Variants in CHMP7 observed in about 807,000 individuals in gnomAD.
CHMP7 encodes the protein charged multivesicular body protein 7.
CHMP7 carries 15 observed loss-of-function variants against 53.7 expected under a neutral mutation model. The observed-to-expected ratio is 0.28, with a 90% CI of 0.19 to 0.43. The LOEUF is 0.43. CHMP7 is among the 20% of genes least tolerant of loss of function. CHMP7 has a pLI of 1.00. For missense variants in CHMP7, 527 were observed against 569.4 expected (o/e 0.93, Z 0.76); for synonymous variants, 261 against 228.0 (o/e 1.14, Z -1.30).
chr8:23,256,309 T>C, intron 4 of CHMP7, 151 bp from the exon 5 acceptor site: 1 of 656,130 alleles, frequency 1.5e-6, no homozygotes, highest in Non-Finnish European at 2.8e-6. Context: ...CTCTGAGGGT[T>C]CAGACCTCCA....
chr8:23,253,465 T>G (rs1485694937), intron 3 of CHMP7, among the ~76,000 whole-genome samples: 6 of 152,154 alleles, frequency 3.9e-5, no homozygotes, highest in Non-Finnish European at 8.8e-5. Flanking sequence ...TGTATTTTTT[T>G]TAGTGGAGAT....
rs950379411 is a variant in CHMP7, at chr8:23,261,974, ATAATT to A, written c.*1376_*1380del. 6.6e-6 allele frequency: 1 copy of A among 152,388 alleles called. No homozygotes were observed. Among genetic ancestry groups the A allele is most frequent in the Non-Finnish European group, 1.5e-5 (1 of 68,034 alleles). The allele number at this position is 152,388 out of a possible 1,614,324, so 9.4% of individuals were successfully genotyped here. A position where few individuals can be genotyped will look rare whatever the true frequency, so the allele number is the denominator to read the frequency against. ...TATTTTTTTCTTTTTTATCTGGTAA[ATAATT>A]AAAAGAAAAACCGAACACTTGTCCC... On this transcript the variant is annotated 3_prime_UTR_variant, in exon 11 of 11. Coordinates refer to ENST00000397677, the MANE Select transcript of CHMP7 (RefSeq NM_152272.5).
Position 23,258,817 on chromosome 8 carries a change from A to G in CHMP7, c.1046A>G (p.Asp349Gly). Residue 349 changes from aspartate (D) to glycine (G), a missense_variant, in exon 8 of 11, where the codon GAT becomes GGT. Coordinates refer to ENST00000397677, the MANE Select transcript of CHMP7 (RefSeq NM_152272.5). ...VTVEKAESLVDQIQELCDTQD... is the reference protein window; with the variant it reads ...VTVEKAESLVGQIQELCDTQD... ...GTGGAGAAGGCAGAGAGCCTCGTGG[A>G]TCAGATCCAAGAGGTACAGAAAGGG... The G allele has an allele frequency of 1.9e-6, 3 of 1,610,828 alleles. No homozygotes were observed. The highest frequency in any genetic ancestry group is 2.5e-6 in the Non-Finnish European group (3 of 1,177,296).
Position 23,260,189 on chromosome 8 carries a change from A to T in CHMP7, c.1166A>T (p.Gln389Leu). Residue 389 changes from glutamine to leucine, a missense_variant, in exon 10 of 11, where the codon CAG becomes CTG. By Grantham distance (113) the Gln-to-Leu change is moderately radical. Transcript: ENST00000397677. ...ELEKELDILL[Q>L]DTTKEPLDLP... is the part of the protein sequence containing the mutation. ...GAGAAGGAATTGGACATCCTCCTTCAGGATACCACCAAAGAACCTTTGGAT... is the reference window on the plus strand; with the variant it reads ...GAGAAGGAATTGGACATCCTCCTTCTGGATACCACCAAAGAACCTTTGGAT... 1 of 1,614,190 alleles carries T rather than the reference A, an allele frequency of 6.2e-7. No individual in the cohort carries two copies. The highest frequency in any genetic ancestry group is 1.6e-4 in the Middle Eastern group (1 of 6,062).
At chr8:23,256,624 C>A (rs1802136041) in intron 5 of CHMP7, 31 bp downstream of exon 5, 3 of 1,602,512 alleles carry the variant, frequency 1.9e-6, no homozygotes, top group Non-Finnish European at 2.6e-6. Context: ...GAGCCTCCTC[C>A]CCACTGTTGC....
intron 7 of CHMP7, 88 bp from the exon 8 acceptor site, chr8:23,258,644 C>A: frequency 8.1e-7 from 1 of 1,238,030 alleles, no homozygotes; most frequent in Non-Finnish European, 1.2e-6. Flanking sequence ...AAAAAACACC[C>A]CAAAGCTGCC....
Position 23,259,514 on chromosome 8 carries a change from C to T in CHMP7, c.1120+388C>T, listed in dbSNP as rs550644116. Among the ~76,000 whole-genome samples, 10 of 152,194 alleles carry T rather than the reference C, an allele frequency of 6.6e-5. No homozygotes were observed. In the South Asian group the frequency reaches 2.1e-3, roughly 32 times the overall value. ...TAGCTGGGATTATAGGCGCCCGCCA[C>T]CACGCCTGGCTAATTTTTGTATTTT... On this transcript the variant is annotated intron_variant, in intron 9 of 10. Coordinates refer to ENST00000397677, the MANE Select transcript of CHMP7 (RefSeq NM_152272.5).
intron 6 of CHMP7, 96 bp from the exon 7 acceptor site, chr8:23,258,234 G>C: frequency 6.4e-7 from 1 of 1,555,266 alleles, no homozygotes; most frequent in Non-Finnish European, 8.8e-7. Context: ...TGGGAGGGAA[G>C]AAAGCTGGGA....
Position 23,258,071 on chromosome 8 carries a change from A to G in CHMP7, c.830A>G (p.Lys277Arg). 6.2e-7 allele frequency: 1 copy of G among 1,613,310 alleles called. No homozygotes were observed. The highest frequency in any genetic ancestry group is 1.1e-5 in the South Asian group (1 of 91,032). ...EEARRACRAG[K>R]KQLALRSLKA... ...GCCCGCCGGGCATGCCGAGCAGGAAAGAAGCAGCTGGTGAGTTCTTGTCTC... is the reference window on the plus strand; with the variant it reads ...GCCCGCCGGGCATGCCGAGCAGGAAGGAAGCAGCTGGTGAGTTCTTGTCTC... Residue 277 changes from lysine (K) to arginine (R), a missense_variant, in exon 6 of 11, where the codon AAG (lysine) becomes AGG (arginine). By Grantham distance (26) the Lys-to-Arg change is conservative (BLOSUM62 2). Transcript: ENST00000397677.
At position 23,255,445 on chromosome 8, in the gene CHMP7, AT is replaced by A; in HGVS notation, c.657+14del. The A allele has an allele frequency of 6.2e-7, 1 of 1,612,496 alleles. No homozygotes were observed. The highest frequency in any genetic ancestry group is 8.5e-7 in the Non-Finnish European group (1 of 1,178,454). On this transcript the variant is annotated intron_variant, in intron 4 of 10. Transcript: ENST00000397677. ...GAACGGGGAGAAGGTATGGAGGCTC[AT>A]CTGTTCATTCACTGACTCAGCAGTG...
chr8:23,256,855 C>T (rs1442760923), intron 5 of CHMP7, among the ~76,000 whole-genome samples: 8 of 135,446 alleles, frequency 5.9e-5, no homozygotes, highest in Admixed American at 2.5e-4. Flanking sequence ...TGCAGTGGTG[C>T]GATCTCGGCT....
chr8:23,258,404 T>C lies in CHMP7; in HGVS notation c.915T>C (p.Val305=). The C allele has an allele frequency of 1.2e-6, 2 of 1,614,106 alleles. No homozygotes were observed. Among genetic ancestry groups the C allele is most frequent in the Non-Finnish European group, 1.7e-6 (2 of 1,180,012 alleles). ...CCTTGCATGCCAAGCTGGACACTGT[T>C]CAAGGCATCCTGGACCGGATCTATG... ...IEALHAKLDT[V]QGILDRIYAS... Residue 305 remains valine (V), a synonymous_variant, in exon 7 of 11, where the codon GTT becomes GTC. Transcript: ENST00000397677.
rs1802354021 is a variant in CHMP7, at chr8:23,260,754, T to G, written c.*155T>G. On this transcript the variant is annotated 3_prime_UTR_variant, in exon 11 of 11. Transcript: ENST00000397677. ...ATGCTACTACTTACTACAGGACAGATAGAATTTCTGGAAGCGATGCTCCAA... is the reference window on the plus strand; with the variant it reads ...ATGCTACTACTTACTACAGGACAGAGAGAATTTCTGGAAGCGATGCTCCAA... 1.5e-6 allele frequency: 1 copy of G among 662,480 alleles called. No individual in the cohort carries two copies. The highest frequency in any genetic ancestry group is 1.8e-5 in the South Asian group (1 of 55,324). 41.0% of individuals were successfully genotyped at this position (662,480 alleles called of 1,614,324 possible).
At position 23,246,392 on chromosome 8, in the gene CHMP7, G is replaced by T. The variant is rs1044872583; in HGVS notation, c.-304G>T. 1.5e-5 allele frequency: 6 copies of T among 413,388 alleles called. No individual in the cohort carries two copies. Among genetic ancestry groups the T allele is most frequent in the East Asian group, 9.4e-5 (2 of 21,332 alleles). The allele number at this position is 413,388 out of a possible 1,614,324, so 25.6% of individuals were successfully genotyped here. On this transcript the variant is annotated 5_prime_UTR_variant, in exon 2 of 11. Transcript: ENST00000397677. ...CGAACTCCAGAATCTTGAAGGAGAC[G>T]TAAGGTGCAGCCACCTGCCGCGCAG...
chr8:23,248,575 C>T (rs551308129), intron 2 of CHMP7, among the ~76,000 whole-genome samples: 17 of 152,222 alleles, frequency 1.1e-4, no homozygotes, highest in African/African-American at 3.9e-4. Flanking sequence ...ATCAGTTTGA[C>T]GAATTCTAAA....
chr8:23,249,194 T>C lies in CHMP7; in HGVS notation c.300-16T>C. ...CATTAAGTGCTACTACACGCCCTTC[T>C]TTTTCTTCCCTGCAGTCGAGGGGAG... On this transcript the variant is annotated splice_polypyrimidine_tract_variant and intron_variant, in intron 2 of 10. Coordinates refer to ENST00000397677, the MANE Select transcript of CHMP7 (RefSeq NM_152272.5). 6.4e-7 allele frequency: 1 copy of C among 1,557,262 alleles called. No homozygotes were observed. Among genetic ancestry groups the C allele is most frequent in the South Asian group, 1.2e-5 (1 of 81,470 alleles).
Position 23,255,234 on chromosome 8 carries a change from G to C in CHMP7, c.472-13G>C, listed in dbSNP as rs759078272. On this transcript the variant is annotated splice_polypyrimidine_tract_variant and intron_variant, in intron 3 of 10. Coordinates refer to ENST00000397677, the MANE Select transcript of CHMP7 (RefSeq NM_152272.5). ...TGGCCAGGGCCTGTCAGCCAATGTT[G>C]CCTTTCCCACAGGAAAAGGCTGAGG... The C allele has an allele frequency of 6.2e-7, 1 of 1,613,748 alleles. No individual in the cohort carries two copies. The highest frequency in any genetic ancestry group is 8.5e-7 in the Non-Finnish European group (1 of 1,179,986).
intron 9 of CHMP7, chr8:23,259,788 G>A (rs61238519): frequency 0.014 from 2,922 of 206,764 alleles, 47 homozygotes; most frequent in African/African-American, 0.036. Context: ...GCTCATCTGC[G>A]GGAGCAGTCA....
intron 3 of CHMP7, among the ~76,000 whole-genome samples, chr8:23,250,620 C>CTGTGTGTGTGTG (rs59970101): frequency 1.0e-4 from 15 of 143,394 alleles, no homozygotes; most frequent in African/African-American, 4.0e-4. Flanking sequence ...TGATAGGGGC[C>CTGTGTGTGTGTG]TGTGTGTGTG....
Sources: allele counts gnomAD v4.1 joint callset (sites outside exome capture counted in the v4.1 genomes callset), GRCh38; gene constraint gnomAD v4.1.1; transcripts MANE v1.5; gene names NCBI Gene and HGNC (gene_info 2026-07-23, HGNC 2026-07-21).